The following DCLK2 variants were observed in gnomAD, a reference collection of about 807,000 sequenced individuals.
DCLK2 encodes doublecortin like kinase 2.
DCLK2 carries 31 observed loss-of-function variants against 78.4 expected under a neutral mutation model. The observed-to-expected ratio is 0.40, with a 90% CI of 0.30 to 0.53. The LOEUF (loss-of-function observed/expected upper bound fraction) is 0.53, where lower values mean the gene tolerates loss of function less well. Ranked by LOEUF, DCLK2 falls within the 20% of genes least tolerant of loss-of-function variation. DCLK2 has a pLI of 0.61. For synonymous variants in DCLK2, 407 were observed against 374.9 expected (o/e 1.09, Z -0.99); for missense variants, 872 against 973.7 (o/e 0.90, Z 1.39).
At chr4:150,160,750 G>A (rs1008923487) in intron 2 of DCLK2, among the ~76,000 whole-genome samples, 7 of 152,182 alleles carry the variant, frequency 4.6e-5, no homozygotes, top group Admixed American at 2.6e-4. Context: ...TCTGTTCTGA[G>A]AGAAGGAAAA....
intron 1 of DCLK2, among the ~76,000 whole-genome samples, chr4:150,092,434 T>C (rs894577078): frequency 1.3e-5 from 2 of 152,200 alleles, no homozygotes; most frequent in Non-Finnish European, 2.9e-5. Context: ...AACAGTGTAC[T>C]AGAGTTCCAG....
At chr4:150,149,514 A>G (rs1734739777) in intron 2 of DCLK2, among the ~76,000 whole-genome samples, 1 of 152,162 alleles carries the variant, frequency 6.6e-6, no homozygotes, top group Non-Finnish European at 1.5e-5. Context: ...CATTGTGGAG[A>G]GAGAATCAGC....
intron 4 of DCLK2, 23 bp downstream of exon 4, chr4:150,198,126 A>C (rs745538134): frequency 1.3e-6 from 2 of 1,588,626 alleles, no homozygotes; most frequent in Non-Finnish European, 1.7e-6. Context: ...AAAGGAATAG[A>C]TGGTCATAGC....
At chr4:150,166,368 C>T (rs1185447423) in intron 2 of DCLK2, among the ~76,000 whole-genome samples, 1 of 145,962 alleles carries the variant, frequency 6.9e-6, no homozygotes, top group Non-Finnish European at 1.5e-5. Flanking sequence ...GTGGCATGCA[C>T]CTGTGGTCCT....
chr4:150,236,844 G>A (rs1435082288), intron 10 of DCLK2, among the ~76,000 whole-genome samples: 1 of 152,152 alleles, frequency 6.6e-6, no homozygotes, highest in Non-Finnish European at 1.5e-5. Context: ...GTTTAGCCAA[G>A]GAATATCACT....
chr4:150,202,099 GTTGT>G (rs1739499620), intron 4 of DCLK2, among the ~76,000 whole-genome samples: 1 of 152,224 alleles, frequency 6.6e-6, no homozygotes, highest in Admixed American at 6.5e-5. Flanking sequence ...CATTCTTGGT[GTTGT>G]TTGTTTTCTG....
At chr4:150,139,544 A>G (rs571838542) in intron 2 of DCLK2, among the ~76,000 whole-genome samples, 5 of 152,336 alleles carry the variant, frequency 3.3e-5, no homozygotes, top group African/African-American at 1.2e-4. Context: ...GTGGTCTTAC[A>G]GGGTGCGTTT....
chr4:150,169,588 T>C (rs1331014597), intron 2 of DCLK2, among the ~76,000 whole-genome samples: 1 of 147,134 alleles, frequency 6.8e-6, no homozygotes, highest in Non-Finnish European at 1.5e-5. Flanking sequence ...ACCTGGGAGA[T>C]GGAGGTTGCA....
At chr4:150,102,378 G>A in intron 1 of DCLK2, 100 bp from the exon 2 acceptor site, 1 of 1,131,022 alleles carries the variant, frequency 8.8e-7, no homozygotes, top group Non-Finnish European at 1.3e-6. Context: ...ACCCACTAAG[G>A]TTAAGGGTTC....
intron 15 of DCLK2, among the ~76,000 whole-genome samples, chr4:150,250,752 A>C (rs1743732190): frequency 6.6e-6 from 1 of 151,602 alleles, no homozygotes; most frequent in Non-Finnish European, 1.5e-5. Flanking sequence ...ACTAGAAGGG[A>C]AACAGTGGCA....
At chr4:150,161,730 T>A (rs1735718733) in intron 2 of DCLK2, among the ~76,000 whole-genome samples, 3 of 152,220 alleles carry the variant, frequency 2.0e-5, no homozygotes, top group Non-Finnish European at 2.9e-5. Context: ...ATTGGCAAAT[T>A]ACAAAGGGCT....
At chr4:150,107,298 CTCTG>C (rs972899327) in intron 2 of DCLK2, among the ~76,000 whole-genome samples, 19 of 151,494 alleles carry the variant, frequency 1.3e-4, no homozygotes, top group African/African-American at 3.9e-4. Flanking sequence ...CTGATAGTCT[CTCTG>C]TCTATTTCTT....
At chr4:150,162,580 G>T (rs139417053) in intron 2 of DCLK2, among the ~76,000 whole-genome samples, 42 of 152,092 alleles carry the variant, frequency 2.8e-4, no homozygotes, top group African/African-American at 1.0e-3. Flanking sequence ...CAAATTAAAT[G>T]TATGTCTTAA....
intron 2 of DCLK2, among the ~76,000 whole-genome samples, chr4:150,178,487 C>T (rs994603653): frequency 1.6e-4 from 24 of 151,530 alleles, no homozygotes; most frequent in African/African-American, 4.6e-4. Flanking sequence ...TTTCTTCGAC[C>T]GTAGATGTGA....
chr4:150,232,924 T>C, intron 10 of DCLK2, 96 bp downstream of exon 10: 1 of 1,423,124 alleles, frequency 7.0e-7, no homozygotes, highest in South Asian at 1.4e-5. Context: ...ATACCAATCC[T>C]ACATTATGAG....
chr4:150,106,787 G>C (rs750961410), intron 2 of DCLK2, among the ~76,000 whole-genome samples: 2 of 152,160 alleles, frequency 1.3e-5, no homozygotes, highest in South Asian at 2.1e-4. Flanking sequence ...AGTGTCCCTT[G>C]AATCTTTTCT....
At chr4:150,241,692 T>G (rs1228299755) in intron 12 of DCLK2, among the ~76,000 whole-genome samples, 6 of 152,194 alleles carry the variant, frequency 3.9e-5, no homozygotes, top group African/African-American at 1.4e-4. Context: ...TCCTTCCAGT[T>G]CTGGAGGTTG....
At chr4:150,192,276 C>G (rs979511901) in intron 2 of DCLK2, among the ~76,000 whole-genome samples, 4 of 152,020 alleles carry the variant, frequency 2.6e-5, no homozygotes, top group Non-Finnish European at 4.4e-5. Flanking sequence ...GTCAGGAGAT[C>G]AAGACCATCC....
At position 150,215,544 on chromosome 4, in the gene DCLK2, A is replaced by C. The variant is rs60633860; in HGVS notation, c.1057-5159A>C. Among the ~76,000 whole-genome samples, 1,177 of 152,332 alleles carry C rather than the reference A, an allele frequency of 7.7e-3. 15 individuals carry two copies. Among genetic ancestry groups the C allele is most frequent in the African/African-American group, 0.026 (1,101 of 41,568 alleles). ...AAGGATATTATGTTACAAAGGATAC[A>C]GATGAAGATATGCATAGGGCGAGGT... On this transcript the variant is annotated intron_variant, in intron 5 of 15. Coordinates refer to ENST00000296550, the MANE Select transcript of DCLK2 (RefSeq NM_001040260.4).
Sources: gnomAD v4.1 joint callset for allele counts (sites outside exome capture counted in the v4.1 genomes callset) on GRCh38, gnomAD v4.1.1 for gene constraint, MANE v1.5 for transcripts, NCBI Gene and HGNC (gene_info 2026-07-23, HGNC 2026-07-21) for gene names.